The following PKIB variants were observed in gnomAD, a reference collection of about 807,000 sequenced individuals.
PKIB encodes PKI-beta.
PKIB carries 2 observed loss-of-function variants against 4.5 expected under a neutral mutation model. That is an observed-to-expected ratio of 0.44 (90% confidence interval 0.18 to 1.39). The LOEUF is 1.39. PKIB is among the 40% of genes most tolerant of loss of function. PKIB has a pLI of 0.27. For missense variants in PKIB, 94 were observed against 92.6 expected (o/e 1.02, Z -0.06); for synonymous variants, 38 against 36.0 (o/e 1.06, Z -0.20).
chr6:122,475,643 C>A (rs184734759), intron 1 of PKIB, among the ~76,000 whole-genome samples: 3 of 151,930 alleles, frequency 2.0e-5, no homozygotes, highest in African/African-American at 7.2e-5. Context: ...AAAATTAGCT[C>A]GGTGTGGTGG....
chr6:122,703,941 T>TATATATAG (rs1314978431), intron 3 of PKIB, among the ~76,000 whole-genome samples: 1 of 90,770 alleles, frequency 1.1e-5, no homozygotes, highest in African/African-American at 3.8e-5. Context: ...TATATATATA[T>TATATATAG]AGAGAGAGAG....
chr6:122,630,363 A>G (rs188533667), intron 1 of PKIB, among the ~76,000 whole-genome samples: 5 of 152,338 alleles, frequency 3.3e-5, no homozygotes, highest in Admixed American at 1.3e-4. Flanking sequence ...CAGCCTAAAA[A>G]AGGAAAGAAA....
chr6:122,626,300 A>G (rs1200893696), intron 1 of PKIB, among the ~76,000 whole-genome samples: 1 of 152,194 alleles, frequency 6.6e-6, no homozygotes, highest in Non-Finnish European at 1.5e-5. Flanking sequence ...TAAAGTTATT[A>G]TTTACCTTTT....
intron 2 of PKIB, among the ~76,000 whole-genome samples, chr6:122,583,217 C>A (rs1308498547): frequency 2.0e-5 from 3 of 151,872 alleles, no homozygotes; most frequent in Non-Finnish European, 4.4e-5. Context: ...ATTTTATTTG[C>A]AAAATATATT....
chr6:122,596,915 T>G (rs189112780), intron 3 of PKIB, among the ~76,000 whole-genome samples: 15 of 152,322 alleles, frequency 9.8e-5, no homozygotes, highest in African/African-American at 3.6e-4. Context: ...ATAAATGGGC[T>G]GGAGTAATAC....
intron 2 of PKIB, among the ~76,000 whole-genome samples, chr6:122,494,937 C>G (rs1776036253): frequency 6.6e-6 from 1 of 152,230 alleles, no homozygotes; most frequent in Admixed American, 6.5e-5. Flanking sequence ...AGAGAGCCAC[C>G]TGGAGTCTTT....
intron 2 of PKIB, among the ~76,000 whole-genome samples, chr6:122,637,266 C>A (rs961438862): frequency 6.6e-6 from 1 of 152,022 alleles, no homozygotes; most frequent in East Asian, 1.9e-4. Context: ...TTGAAAATTG[C>A]TTTTTCTTGA....
At chr6:122,604,264 A>G (rs1164073561) in intron 3 of PKIB, among the ~76,000 whole-genome samples, 1 of 152,176 alleles carries the variant, frequency 6.6e-6, no homozygotes, top group Admixed American at 6.5e-5. Context: ...AGAGAATAAT[A>G]TTTTTCTTTT....
At chr6:122,553,503 T>C (rs1410957802) in intron 2 of PKIB, among the ~76,000 whole-genome samples, 1 of 130,850 alleles carries the variant, frequency 7.6e-6, no homozygotes, top group African/African-American at 2.7e-5. Context: ...TTTTTTTTTT[T>C]CTGAAAAAGG....
chr6:122,714,312 A>G (rs986593417), intron 3 of PKIB, among the ~76,000 whole-genome samples: 2 of 152,188 alleles, frequency 1.3e-5, no homozygotes, highest in African/African-American at 4.8e-5. Flanking sequence ...GCCAAATGTG[A>G]GTTTGCCACA....
At chr6:122,719,934 A>C (rs899302823) in intron 4 of PKIB, among the ~76,000 whole-genome samples, 1 of 152,218 alleles carries the variant, frequency 6.6e-6, no homozygotes, top group Admixed American at 6.5e-5. Context: ...ATAGGCTTAC[A>C]TAGGTAGATG....
chr6:122,683,167 T>A (rs761472979), intron 3 of PKIB, among the ~76,000 whole-genome samples: 3 of 152,232 alleles, frequency 2.0e-5, no homozygotes, highest in Non-Finnish European at 4.4e-5. Flanking sequence ...TGTATTGGGC[T>A]GTTCTTACAT....
intron 3 of PKIB, among the ~76,000 whole-genome samples, chr6:122,681,901 G>A (rs957132926): frequency 6.6e-6 from 1 of 152,186 alleles, no homozygotes; most frequent in Non-Finnish European, 1.5e-5. Flanking sequence ...TAATGTGTCA[G>A]CCTACAGCCC....
intron 2 of PKIB, among the ~76,000 whole-genome samples, chr6:122,565,531 A>G (rs1269830185): frequency 6.6e-6 from 1 of 152,216 alleles, no homozygotes; most frequent in Non-Finnish European, 1.5e-5. Context: ...CAGTATCCTG[A>G]CATTTTTCTA....
At chr6:122,644,715 A>T (rs533423424) in intron 2 of PKIB, 7 of 152,048 alleles carry the variant, frequency 4.6e-5, no homozygotes, top group African/African-American at 1.2e-4. Flanking sequence ...TTATCATTTT[A>T]AGTGTTTCTT....
intron 2 of PKIB, among the ~76,000 whole-genome samples, chr6:122,636,043 C>G (rs1048555648): frequency 3.3e-5 from 5 of 152,048 alleles, no homozygotes; most frequent in Non-Finnish European, 1.5e-5. Flanking sequence ...AAATGCTTTA[C>G]AAATATTAAC....
intron 3 of PKIB, among the ~76,000 whole-genome samples, chr6:122,601,912 G>A (rs568227266): frequency 6.0e-4 from 92 of 152,196 alleles, no homozygotes; most frequent in South Asian, 1.9e-3. Flanking sequence ...CCTTAACCCA[G>A]TGTTGTTTAA....
chr6:122,491,206 C>A (rs779816971), intron 2 of PKIB, among the ~76,000 whole-genome samples: 24 of 152,156 alleles, frequency 1.6e-4, no homozygotes, highest in Non-Finnish European at 1.5e-5. Context: ...CATCCCTTAT[C>A]TCTTTATTCT....
chr6:122,612,284 T>C (rs1774791337), intron 1 of PKIB, among the ~76,000 whole-genome samples: 1 of 152,142 alleles, frequency 6.6e-6, no homozygotes, highest in African/African-American at 2.4e-5. Flanking sequence ...GGGTGAATAA[T>C]ATTTAAAAAT....
Sources: allele counts gnomAD v4.1 joint callset (sites outside exome capture counted in the v4.1 genomes callset), GRCh38; gene constraint gnomAD v4.1.1; transcripts MANE v1.5; gene names NCBI Gene and HGNC (gene_info 2026-07-23, HGNC 2026-07-21).